TJP1: variants seen among roughly 807,000 people sequenced by gnomAD.
TJP1 encodes the protein tight junction protein 1.
TJP1 carries 43 observed loss-of-function variants against 194.2 expected under a neutral mutation model. The ratio of observed to expected loss-of-function variants is 0.22; its 90% CI spans 0.17 to 0.29. The LOEUF is 0.29. Ranked by LOEUF, TJP1 falls within the 10% of genes least tolerant of loss-of-function variation. The probability of loss-of-function intolerance (pLI) is 1.00; values close to 1 mark genes in which losing one functional copy is unlikely to be tolerated. For synonymous variants in TJP1, 801 were observed against 779.0 expected, an observed-to-expected ratio of 1.03 and a Z score of -0.47; for missense variants, 1,971 against 2,185.7, an observed-to-expected ratio of 0.90 and a Z score of 1.96.
chr15:29,800,463 A>G, intron 2 of TJP1, 183 bp downstream of exon 2: 3 of 598,504 alleles, frequency 5.0e-6, no homozygotes, highest in Non-Finnish European at 8.7e-6. Flanking sequence ...GGATATATGA[A>G]AAAGTAATCA....
intron 2 of TJP1, among the ~76,000 whole-genome samples, chr15:29,852,264 T>C (rs577147776): frequency 1.3e-5 from 2 of 152,090 alleles, no homozygotes; most frequent in South Asian, 4.1e-4. Flanking sequence ...GTCTTAAAAT[T>C]CAACTGTAAA....
chr15:29,729,016 C>T (rs2043421483), intron 15 of TJP1: 2 of 152,192 alleles, frequency 1.3e-5, no homozygotes, highest in Admixed American at 6.5e-5. Context: ...CCTGATTAAA[C>T]CAATGTATTA....
At chr15:29,743,774 G>C (rs552824731) in intron 8 of TJP1, among the ~76,000 whole-genome samples, 1 of 152,212 alleles carries the variant, frequency 6.6e-6, no homozygotes, top group Non-Finnish European at 1.5e-5. Flanking sequence ...CAACTCAAGA[G>C]AGAAATGCAA....
intron 1 of TJP1, among the ~76,000 whole-genome samples, chr15:29,960,227 T>C (rs550897822): frequency 3.0e-4 from 46 of 152,286 alleles, no homozygotes; most frequent in Non-Finnish European, 7.4e-5. Context: ...ATTTTATAAA[T>C]GGCAGATAGT....
chr15:29,765,607 C>T (rs1056485566), intron 5 of TJP1, among the ~76,000 whole-genome samples: 9 of 152,226 alleles, frequency 5.9e-5, no homozygotes, highest in Admixed American at 1.3e-4. Flanking sequence ...GAAGAAGTCC[C>T]AGCAGGGCAC....
intron 23 of TJP1, among the ~76,000 whole-genome samples, chr15:29,714,134 T>C (rs1211997281): frequency 1.3e-5 from 2 of 152,172 alleles, no homozygotes; most frequent in African/African-American, 4.8e-5. Flanking sequence ...AAGTTATACA[T>C]CACAAATAAG....
chr15:29,867,608 A>G (rs1019776373), intron 2 of TJP1, among the ~76,000 whole-genome samples: 3 of 152,166 alleles, frequency 2.0e-5, no homozygotes, highest in Non-Finnish European at 4.4e-5. Flanking sequence ...TGTTTTAAAA[A>G]CATTTTAAAG....
At chr15:29,850,624 C>T (rs1214873296) in intron 2 of TJP1, among the ~76,000 whole-genome samples, 4 of 151,976 alleles carry the variant, frequency 2.6e-5, no homozygotes, top group South Asian at 4.1e-4. Flanking sequence ...CATGAGCCAC[C>T]GCGCCCAGCC....
At position 29,705,410 on chromosome 15, in the gene TJP1, C is replaced by T. The variant is rs889718591; in HGVS notation, c.5068+118G>A. On this transcript the variant is annotated intron_variant, in intron 26 of 27. Transcript: ENST00000614355. ...ACCGTCCCCAGGGCACCCCTCGCTACAGCACTCATCTGGAGATAGAGAGGT... is the reference window on the plus strand; with the variant it reads ...ACCGTCCCCAGGGCACCCCTCGCTATAGCACTCATCTGGAGATAGAGAGGT... 4.9e-5 allele frequency: 54 copies of T among 1,091,168 alleles called. No individual in the cohort carries two copies. In the Admixed American group the frequency reaches 5.6e-4, roughly 11 times the overall value. The allele number at this position is 1,091,168 out of a possible 1,614,324, so 67.6% of individuals were successfully genotyped here. A position where few individuals can be genotyped will look rare whatever the true frequency, so the allele number is the denominator to read the frequency against.
intron 2 of TJP1, among the ~76,000 whole-genome samples, chr15:29,921,847 C>CTT (rs202166290): frequency 0.031 from 4,538 of 147,224 alleles, 193 homozygotes; most frequent in African/African-American, 0.096. Flanking sequence ...TTCTTTCTTT[C>CTT]TTTTTTTTTT....
intron 3 of TJP1, 71 bp downstream of exon 3, chr15:29,773,162 G>C: frequency 6.4e-7 from 1 of 1,574,320 alleles, no homozygotes; most frequent in Non-Finnish European, 8.7e-7. Context: ...GACAGTGTAA[G>C]ACAGTACGCC....
At chr15:29,791,413 CTTTTTTTTTT>C (rs34201715) in intron 2 of TJP1, among the ~76,000 whole-genome samples, 1 of 51,188 alleles carries the variant, frequency 2.0e-5, no homozygotes, top group African/African-American at 8.0e-5. Context: ...CCATAATATT[CTTTTTTTTTT>C]TTTTTTTTTT....
At chr15:29,915,173 C>T (rs563061701) in intron 2 of TJP1, among the ~76,000 whole-genome samples, 5 of 152,158 alleles carry the variant, frequency 3.3e-5, no homozygotes, top group Non-Finnish European at 5.9e-5. Context: ...AACTGTAATA[C>T]GGCTGTGGTT....
chr15:29,737,147 C>T, intron 11 of TJP1, 117 bp downstream of exon 11: 2 of 1,271,874 alleles, frequency 1.6e-6, no homozygotes, highest in Admixed American at 2.1e-5. Context: ...GTTTAACTGG[C>T]TCAATGGAGA....
At chr15:29,885,174 G>A (rs1001594595) in intron 2 of TJP1, among the ~76,000 whole-genome samples, 2 of 146,588 alleles carry the variant, frequency 1.4e-5, no homozygotes, top group Admixed American at 6.7e-5. Context: ...TCCTCCTCCC[G>A]CAACTTATGA....
intron 2 of TJP1, among the ~76,000 whole-genome samples, chr15:29,852,831 G>A (rs909626574): frequency 1.3e-5 from 2 of 151,864 alleles, no homozygotes; most frequent in Non-Finnish European, 2.9e-5. Context: ...TTGAACCTGG[G>A]AGGCGGAGGT....
At chr15:29,830,437 C>T (rs2050803190) in intron 2 of TJP1, among the ~76,000 whole-genome samples, 1 of 149,976 alleles carries the variant, frequency 6.7e-6, no homozygotes, top group Non-Finnish European at 1.5e-5. Flanking sequence ...ATGAACATTA[C>T]CATACTATGT....
At chr15:29,935,971 G>T (rs1013262081) in intron 2 of TJP1, among the ~76,000 whole-genome samples, 1 of 151,962 alleles carries the variant, frequency 6.6e-6, no homozygotes, top group African/African-American at 2.4e-5. Flanking sequence ...TCCTTTTCTG[G>T]TCCTCAGCAG....
intron 2 of TJP1, among the ~76,000 whole-genome samples, chr15:29,891,207 T>C (rs557346613): frequency 1.3e-5 from 2 of 152,186 alleles, no homozygotes; most frequent in Non-Finnish European, 2.9e-5. Context: ...GAGGACTAAA[T>C]GTCAACAGGT....
Sources: allele counts gnomAD v4.1 joint callset (sites outside exome capture counted in the v4.1 genomes callset), GRCh38; gene constraint gnomAD v4.1.1; transcripts MANE v1.5; gene names NCBI Gene and HGNC (gene_info 2026-07-23, HGNC 2026-07-21).